TSFM: variants seen among roughly 807,000 people sequenced by gnomAD.
The protein encoded by TSFM is Ts translation elongation factor, mitochondrial, also known as elongation factor Ts, mitochondrial.
A neutral mutation model predicts 33.4 loss-of-function variants in TSFM; 29 were observed. That is an observed-to-expected ratio of 0.87 (90% confidence interval 0.65 to 1.18). The LOEUF (loss-of-function observed/expected upper bound fraction) is 1.18, where lower values mean the gene tolerates loss of function less well. TSFM is among the 50% of genes most tolerant of loss of function. The probability of loss-of-function intolerance (pLI) is 0.00; values close to 1 mark genes in which losing one functional copy is unlikely to be tolerated. For synonymous variants in TSFM, 178 were observed against 163.5 expected, an observed-to-expected ratio of 1.09 and a Z score of -0.68; for missense variants, 394 against 395.6, an observed-to-expected ratio of 1.00 and a Z score of 0.04.
In TSFM at chr12:57,797,580, G is replaced by C. The variant is rs114214463; in HGVS notation, c.*997G>C. On this transcript the variant is annotated 3_prime_UTR_variant, in exon 6 of 6. Coordinates refer to ENST00000652027, the MANE Select transcript of TSFM (RefSeq NM_005726.6). ...AACATAAAGTTATTAAACATTTTAA[G>C]CATTGTTTTTTGGTTCTCTTTCTTT... is the stretch of plus-strand genomic sequence containing the variant. The C allele has an allele frequency of 1.4e-3, 1,315 of 921,872 alleles. 18 individuals carry two copies. The African/African-American group carries it at 0.021, about 15-fold the overall frequency. 57.1% of individuals were successfully genotyped at this position (921,872 alleles called of 1,614,324 possible).
chr12:57,798,353 G>T (rs575047869), downstream of TSFM, among the ~76,000 whole-genome samples: 1 of 152,266 alleles, frequency 6.6e-6, no homozygotes, highest in Non-Finnish European at 1.5e-5. Context: ...CTTGTTTTCT[G>T]CCCGTAACTA....
intron 4 of TSFM, among the ~76,000 whole-genome samples, chr12:57,788,035 G>A (rs769003681): frequency 6.6e-6 from 1 of 152,164 alleles, no homozygotes; most frequent in Non-Finnish European, 1.5e-5. Context: ...CAGCCTTATT[G>A]CCAAGGCAAA....
rs1399931138 is a variant in TSFM, at chr12:57,796,395, G to GC, written c.796dup (p.Leu266ProfsTer9). 8 of 1,602,368 alleles carry GC rather than the reference G, an allele frequency of 5.0e-6. No homozygotes were observed. Among genetic ancestry groups the GC allele is most frequent in the Non-Finnish European group, 6.8e-6 (8 of 1,174,318 alleles). On this transcript the variant is annotated frameshift_variant, in exon 6 of 6. Transcript: ENST00000652027. LOFTEE classifies it high-confidence loss of function. The stretch of plus-strand genomic sequence containing the variant: ...CCTTGGGCAGCATGTGGTGGGCATG[G>GC]CCCCCCTCTCTGTTGGCTCCCTGGA...
Position 57,796,829 on chromosome 12 carries a change from G to T in TSFM, c.*246G>T. ...GTGGAGAACAGGCATCAACAATACT[G>T]CTGCTCCCTTCAACATAGATTTATT... On this transcript the variant is annotated 3_prime_UTR_variant, in exon 6 of 6. Transcript: ENST00000652027. The T allele has an allele frequency of 1.7e-6, 2 of 1,152,690 alleles. No individual in the cohort carries two copies. The highest frequency in any genetic ancestry group is 2.1e-6 in the Non-Finnish European group (2 of 939,734). 71.4% of individuals were successfully genotyped at this position (1,152,690 alleles called of 1,614,324 possible). A position where few individuals can be genotyped will look rare whatever the true frequency, so the allele number is the denominator to read the frequency against.
At chr12:57,802,691 T>C (rs1955874904), downstream of TSFM, 1 of 617,624 alleles carries the variant, frequency 1.6e-6, no homozygotes, top group African/African-American at 1.8e-5. Context: ...ACTAAACTTG[T>C]ATCTGAGTCT....
At chr12:57,789,837 A>G (rs748462314) in intron 4 of TSFM, among the ~76,000 whole-genome samples, 7 of 152,202 alleles carry the variant, frequency 4.6e-5, no homozygotes, top group Non-Finnish European at 8.8e-5. Flanking sequence ...GATTTGATCA[A>G]TGCAAGCTGA....
At chr12:57,782,885 C>T (rs773832513) in intron 1 of TSFM, 27 bp downstream of exon 1, 5 of 1,573,200 alleles carry the variant, frequency 3.2e-6, no homozygotes, top group African/African-American at 1.3e-5. Context: ...CTGGTACCGA[C>T]CTGCTGTCCC....
chr12:57,801,448 A>C, downstream of TSFM: 1 of 353,030 alleles, frequency 2.8e-6, no homozygotes, highest in Non-Finnish European at 5.3e-6. Context: ...TTTAAGAAAG[A>C]GCAGTTGAAG....
chr12:57,788,525 C>A (rs1417091025), intron 4 of TSFM, among the ~76,000 whole-genome samples: 1 of 152,206 alleles, frequency 6.6e-6, no homozygotes, highest in Admixed American at 6.5e-5. Flanking sequence ...GATTCGCCCG[C>A]CTCCGCCTCC....
intron 4 of TSFM, 57 bp from the exon 5 acceptor site, chr12:57,792,929 T>G (rs1955682679): frequency 2.6e-6 from 4 of 1,546,250 alleles, no homozygotes; most frequent in Non-Finnish European, 2.7e-6. Context: ...TTGCCTATTC[T>G]TTTGATAATT....
At chr12:57,801,752 A>G (rs904166443), downstream of TSFM, among the ~76,000 whole-genome samples, 1 of 152,176 alleles carries the variant, frequency 6.6e-6, no homozygotes, top group African/African-American at 2.4e-5. Context: ...AAAAAAGAAA[A>G]AAAAAAGTTG....
chr12:57,796,175 A>T lies in TSFM; in HGVS notation c.572-2A>T. The T allele has an allele frequency of 6.4e-7, 1 of 1,568,418 alleles. No homozygotes were observed. Among genetic ancestry groups the T allele is most frequent in the Non-Finnish European group, 8.6e-7 (1 of 1,157,168 alleles). On this transcript the variant is annotated splice_acceptor_variant, in intron 5 of 5. Coordinates refer to ENST00000652027, the MANE Select transcript of TSFM (RefSeq NM_005726.6). LOFTEE classifies it high-confidence loss of function. ...GTTGGTTTTTTGTTTTTGCTTTAATAGGAAAACTGGGAGAAAACATGATTC... is the reference window on the plus strand; with the variant it reads ...GTTGGTTTTTTGTTTTTGCTTTAATTGGAAAACTGGGAGAAAACATGATTC...
intron 2 of TSFM, chr12:57,784,140 A>G: frequency 7.1e-6 from 5 of 702,458 alleles, no homozygotes; most frequent in Admixed American, 2.0e-5. Context: ...ATGTTACTGG[A>G]CTGAATACTG....
chr12:57,802,516 T>C (rs1382144713), downstream of TSFM: 2 of 831,304 alleles, frequency 2.4e-6, no homozygotes, highest in East Asian at 2.6e-5. Flanking sequence ...CAGAATCAGC[T>C]TGATGTTTAT....
chr12:57,797,115 C>T lies in TSFM; in HGVS notation c.*532C>T. 3.0e-6 allele frequency: 3 copies of T among 985,426 alleles called. No individual in the cohort carries two copies. The highest frequency in any genetic ancestry group is 3.6e-6 in the Non-Finnish European group (3 of 829,934). 61.0% of individuals were successfully genotyped at this position (985,426 alleles called of 1,614,324 possible). ...CTCTGCAGTGGTAGACACACTGGTT[C>T]TGGCCTCATTTAATGAAATTAATAA... On this transcript the variant is annotated 3_prime_UTR_variant, in exon 6 of 6. Coordinates refer to ENST00000652027, the MANE Select transcript of TSFM (RefSeq NM_005726.6).
chr12:57,802,180 A>C (rs1422462826), downstream of TSFM: 1 of 1,613,970 alleles, frequency 6.2e-7, no homozygotes, highest in Admixed American at 1.7e-5. Flanking sequence ...TTAGGGTCCC[A>C]GGCTAGGAAC....
chr12:57,799,129 T>C (rs1955795478), downstream of TSFM, among the ~76,000 whole-genome samples: 1 of 152,148 alleles, frequency 6.6e-6, no homozygotes, highest in Non-Finnish European at 1.5e-5. Flanking sequence ...GAAGCAGTAT[T>C]AGGGTGGTCA....
intron 1 of TSFM, 22 bp from the exon 2 acceptor site, chr12:57,783,088 A>C (rs2140412985): frequency 6.3e-7 from 1 of 1,596,240 alleles, no homozygotes; most frequent in East Asian, 2.2e-5. Flanking sequence ...CCTGCTCCTC[A>C]TCCCTTTCTT....
chr12:57,793,450 C>T (rs960706530), intron 5 of TSFM, among the ~76,000 whole-genome samples: 3 of 152,112 alleles, frequency 2.0e-5, no homozygotes, highest in African/African-American at 4.8e-5. Context: ...TCTTGATCTC[C>T]TGACCTCGTG....
Sources: gnomAD v4.1 joint callset for allele counts (sites outside exome capture counted in the v4.1 genomes callset) on GRCh38, gnomAD v4.1.1 for gene constraint, MANE v1.5 for transcripts, NCBI Gene and HGNC (gene_info 2026-07-23, HGNC 2026-07-21) for gene names.